ABCA13: variants seen among roughly 807,000 people sequenced by gnomAD.
ABCA13 encodes the protein ATP-binding cassette sub-family A member 13.
Under a neutral mutation model 478.7 loss-of-function variants are expected in ABCA13, and 476 were observed. That is an observed-to-expected ratio of 0.99 (90% CI 0.92 to 1.07). The LOEUF (loss-of-function observed/expected upper bound fraction) is 1.07. Ranked by LOEUF, ABCA13 falls within the 50% of genes least tolerant of loss-of-function variation. ABCA13 has a pLI of 0.00. For missense variants in ABCA13, 6,060 were observed against 5,910.6 expected, an observed-to-expected ratio of 1.03 and a Z score of -0.83; for synonymous variants, 2,252 against 2,158.9, an observed-to-expected ratio of 1.04 and a Z score of -1.20.
In ABCA13 at chr7:48,455,216, C is replaced by T; in HGVS notation, c.12745C>T (p.Leu4249=). 2 of 1,600,010 alleles carry T rather than the reference C, an allele frequency of 1.2e-6. No individual in the cohort carries two copies. Among genetic ancestry groups the T allele is most frequent in the Non-Finnish European group, 1.7e-6 (2 of 1,173,658 alleles). Residue 4249 remains leucine, a synonymous_variant, in exon 43 of 62, where the codon CTG becomes TTG. Coordinates refer to ENST00000435803, the MANE Select transcript of ABCA13 (RefSeq NM_152701.5). ...LAMGLFMVRP[L]ATEYPPLRLT... The stretch of plus-strand genomic sequence containing the variant: ...CATGGGCTTGTTCATGGTGAGACCC[C>T]TGGCCACCGAGTACCCTCCCCTCAG...
chr7:48,467,805 A>G (rs1456518319), intron 44 of ABCA13, among the ~76,000 whole-genome samples: 1 of 152,228 alleles, frequency 6.6e-6, no homozygotes, highest in African/African-American at 2.4e-5. Flanking sequence ...CAATAATACA[A>G]TATTGGCAAT....
rs1340142179 is a variant in ABCA13, at chr7:48,274,003, A to T, written c.4337A>T (p.Lys1446Ile). Residue 1446 changes from lysine to isoleucine, a missense_variant, in exon 17 of 62, where the codon AAA (lysine) becomes ATA (isoleucine). This residue lies in a region of ABCA13 where 4,423 missense variants were observed against 4,309.1 expected (regional missense o/e 1.03). Transcript: ENST00000435803. ...KIVTWVLNIK[K>I]PLCSSNGSHI... Reference sequence around the variant, plus strand: ...GTAACTTGGGTGTTAAATATAAAAAAACCTCTTTGTTCATCAAATGGCTCA... The same window carrying T: ...GTAACTTGGGTGTTAAATATAAAAATACCTCTTTGTTCATCAAATGGCTCA... 6.8e-6 allele frequency: 11 copies of T among 1,607,774 alleles called. No homozygotes were observed. The highest frequency in any genetic ancestry group is 1.7e-5 in the Admixed American group (1 of 59,696).
chr7:48,410,804 CA>C, intron 40 of ABCA13, 127 bp downstream of exon 40: 1 of 1,327,262 alleles, frequency 7.5e-7, no homozygotes, highest in South Asian at 1.4e-5. Flanking sequence ...GCCCACATGC[CA>C]AAATAAGTGG....
chr7:48,521,676 A>T (rs1367797136), intron 53 of ABCA13, among the ~76,000 whole-genome samples: 1 of 152,164 alleles, frequency 6.6e-6, no homozygotes, highest in African/African-American at 2.4e-5. Context: ...TTCCTATAGT[A>T]TCAAAAGATT....
chr7:48,325,429 CA>C (rs1370645337), intron 27 of ABCA13, among the ~76,000 whole-genome samples: 4 of 152,156 alleles, frequency 2.6e-5, no homozygotes, highest in African/African-American at 9.7e-5. Context: ...GTACCTTTGC[CA>C]GCATCACATC....
chr7:48,309,866 G>A, intron 23 of ABCA13, 81 bp from the exon 24 acceptor site: 1 of 1,521,094 alleles, frequency 6.6e-7, no homozygotes. Flanking sequence ...GCGACTCCCT[G>A]CCGATGAAGC....
chr7:48,590,094 C>A (rs1789568543), intron 57 of ABCA13, among the ~76,000 whole-genome samples: 1 of 152,118 alleles, frequency 6.6e-6, no homozygotes, highest in African/African-American at 2.4e-5. Context: ...ATTTCCACAG[C>A]CTGGCACCTT....
rs562660287 is a variant in ABCA13 at position 48,273,843 on chromosome 7, G to A, written c.4177G>A (p.Gly1393Arg). The change falls in exon 17 of 62, where the codon GGA (glycine) becomes AGA (arginine). Residue 1393 changes from glycine to arginine, a missense_variant. Transcript: ENST00000435803. ...SSENTISSLK[G>R]CIVWLDVINH... The stretch of plus-strand genomic sequence containing the variant: ...TGAGAACACAATTAGCAGTCTGAAA[G>A]GATGCATTGTATGGTTAGATGTCAT... 2.5e-6 allele frequency: 4 copies of A among 1,612,310 alleles called. No individual in the cohort carries two copies. The Admixed American group carries it at 6.7e-5, about 27-fold the overall frequency.
chr7:48,463,969 G>A (rs1271277157), intron 43 of ABCA13, among the ~76,000 whole-genome samples: 1 of 152,148 alleles, frequency 6.6e-6, no homozygotes, highest in Non-Finnish European at 1.5e-5. Flanking sequence ...CCACTGGGGG[G>A]ACTTGTTAAC....
At position 48,298,481 on chromosome 7, in the gene ABCA13, C is replaced by T. The variant is rs112334236; in HGVS notation, c.9315C>T (p.His3105=). The T allele has an allele frequency of 2.8e-3, 4,485 of 1,612,588 alleles. 8 individuals carry two copies. Among genetic ancestry groups the T allele is most frequent in the Non-Finnish European group, 3.5e-3 (4,083 of 1,179,400 alleles). ...GCATTCTAGAAGCAAATATTTCCCA[C>T]TCCAAGGTGTGGTGCTGTTTCTTGT... ...IHSILEANIS[H]SKVLFSALTV... Residue 3105 remains histidine (H), a synonymous_variant, in exon 23 of 62, where the codon CAC becomes CAT. Transcript: ENST00000435803.
At chr7:48,431,700 C>T (rs1452221142) in intron 42 of ABCA13, among the ~76,000 whole-genome samples, 2 of 152,202 alleles carry the variant, frequency 1.3e-5, no homozygotes, top group African/African-American at 4.8e-5. Flanking sequence ...TAAATCATCA[C>T]AATTTTATAT....
At chr7:48,235,454 CT>C (rs1789803345) in intron 8 of ABCA13, among the ~76,000 whole-genome samples, 1 of 152,222 alleles carries the variant, frequency 6.6e-6, no homozygotes, top group African/African-American at 2.4e-5. Flanking sequence ...GAAAATACCA[CT>C]GTGTATATCA....
intron 1 of ABCA13, among the ~76,000 whole-genome samples, chr7:48,188,250 C>T (rs1796622572): frequency 6.6e-6 from 1 of 152,196 alleles, no homozygotes; most frequent in East Asian, 1.9e-4. Flanking sequence ...ATGTTCAGTT[C>T]ATTTTGTGGA....
chr7:48,635,902 T>C (rs565819244), intron 59 of ABCA13, among the ~76,000 whole-genome samples: 1 of 152,210 alleles, frequency 6.6e-6, no homozygotes, highest in Non-Finnish European at 1.5e-5. Context: ...CTTTACTGTT[T>C]TTTAAAAAAT....
chr7:48,270,507 G>C (rs1795454920), intron 16 of ABCA13, among the ~76,000 whole-genome samples: 1 of 152,150 alleles, frequency 6.6e-6, no homozygotes, highest in Non-Finnish European at 1.5e-5. Context: ...CAATGACTTG[G>C]ATGGTAGTTA....
intron 5 of ABCA13, among the ~76,000 whole-genome samples, chr7:48,224,649 TA>T (rs1380274052): frequency 2.0e-5 from 3 of 152,158 alleles, no homozygotes; most frequent in Admixed American, 6.6e-5. Context: ...TTGTTGGATT[TA>T]AAAAAACCTC....
intron 55 of ABCA13, among the ~76,000 whole-genome samples, chr7:48,566,775 A>G (rs1305710853): frequency 2.6e-5 from 4 of 152,174 alleles, no homozygotes; most frequent in Non-Finnish European, 4.4e-5. Flanking sequence ...CAAAATTCAC[A>G]TAAAGAAATT....
chr7:48,440,030 T>A (rs538387531), intron 42 of ABCA13, among the ~76,000 whole-genome samples: 19 of 152,314 alleles, frequency 1.2e-4, no homozygotes, highest in African/African-American at 3.8e-4. Context: ...TTATTAGCCA[T>A]TTGCATTTTC....
intron 29 of ABCA13, among the ~76,000 whole-genome samples, chr7:48,346,932 C>T (rs1032236698): frequency 1.3e-5 from 2 of 152,170 alleles, no homozygotes; most frequent in African/African-American, 4.8e-5. Flanking sequence ...ACCAGGTTAC[C>T]CCAGCCCATG....
Sources: allele counts gnomAD v4.1 joint callset (sites outside exome capture counted in the v4.1 genomes callset), GRCh38; gene constraint gnomAD v4.1.1; regional missense constraint gnomAD v4.1.1; transcripts MANE v1.5; gene names NCBI Gene and HGNC (gene_info 2026-07-23, HGNC 2026-07-21).